The following GRIA3 variants were observed in gnomAD, a reference collection of about 807,000 sequenced individuals.
The protein encoded by GRIA3 is glutamate ionotropic receptor AMPA type subunit 3.
Under a neutral mutation model 63.0 loss-of-function variants are expected in GRIA3, and 3 were observed. The ratio of observed to expected loss-of-function variants is 0.05; its 90% CI spans 0.02 to 0.12. The LOEUF (loss-of-function observed/expected upper bound fraction) is 0.12. Among genes scored for constraint, GRIA3 ranks in the 10% least tolerant of loss-of-function variants. The probability of loss-of-function intolerance (pLI) is 1.00; values close to 1 mark genes in which losing one functional copy is unlikely to be tolerated. For synonymous variants in GRIA3, 274 were observed against 257.9 expected, an observed-to-expected ratio of 1.06 and a Z score of -0.60; for missense variants, 347 against 700.9, an observed-to-expected ratio of 0.50 and a Z score of 5.70.
At chrX:123,363,864 C>T (rs1177343865) in intron 5 of GRIA3, among the ~76,000 whole-genome samples, 2 of 112,184 alleles carry the variant, frequency 1.8e-5, no homozygotes, top group Non-Finnish European at 3.8e-5. Flanking sequence ...TACACAGAAG[C>T]AGTCAAGTGT....
chrX:123,263,567 T>C (rs2044471936), intron 3 of GRIA3, among the ~76,000 whole-genome samples: 1 of 112,094 alleles, frequency 8.9e-6, no homozygotes. Flanking sequence ...TCAACTTCAC[T>C]GCAGGCAGGC....
chrX:123,427,767 G>T (rs1025449050), intron 11 of GRIA3, among the ~76,000 whole-genome samples, 174 bp from the exon 12 acceptor site: 3 of 111,281 alleles, frequency 2.7e-5, no homozygotes, highest in Non-Finnish European at 5.7e-5. Flanking sequence ...ATGACATGGG[G>T]TATTGTTGTT....
chrX:123,458,462 T>C (rs992585535), intron 12 of GRIA3, among the ~76,000 whole-genome samples: 2 of 111,042 alleles, frequency 1.8e-5, no homozygotes, highest in Non-Finnish European at 3.8e-5. Context: ...TGTCCCACCA[T>C]GGAATAAGCT....
intron 12 of GRIA3, among the ~76,000 whole-genome samples, chrX:123,441,558 T>C (rs763975174): frequency 1.2e-4 from 13 of 111,595 alleles, no homozygotes; most frequent in Non-Finnish European, 1.9e-4. Flanking sequence ...TTCCTTTAAA[T>C]GAGCTTCGGG....
intron 3 of GRIA3, among the ~76,000 whole-genome samples, chrX:123,292,281 G>T (rs2044660743): frequency 9.0e-6 from 1 of 111,221 alleles, no homozygotes; most frequent in Non-Finnish European, 1.9e-5. Context: ...CTTTTTAATT[G>T]GATTTGTGCC....
rs1232651088 is a variant in GRIA3, at chrX:123,208,547, C to T, written c.268+22557C>T. Among the ~76,000 whole-genome samples the T allele has an allele frequency of 2.7e-5, 3 of 112,275 alleles. No homozygotes were observed. The Admixed American group carries it at 2.8e-4, about 11-fold the overall frequency. On this transcript the variant is annotated intron_variant, in intron 2 of 15. Transcript: ENST00000620443. ...TTTTGGGGTGTTTCCAAGGAGGCAA[C>T]TCAAACCATTGAAGTCAGAAAGTAG...
intron 3 of GRIA3, among the ~76,000 whole-genome samples, chrX:123,262,640 C>T (rs2044466473): frequency 8.9e-6 from 1 of 111,848 alleles, no homozygotes; most frequent in Admixed American, 9.5e-5. Context: ...TACATCTTGG[C>T]CAGAGAGACA....
In GRIA3 at chrX:123,224,738, T is replaced by A. The variant is rs1220231104; in HGVS notation, c.269-28565T>A. Among the ~76,000 whole-genome samples, 5 of 111,940 alleles carry A rather than the reference T, an allele frequency of 4.5e-5. No individual in the cohort carries two copies. In the Admixed American group the frequency reaches 4.8e-4, roughly 11 times the overall value. The stretch of plus-strand genomic sequence containing the variant: ...ACCTCAATCCCACCTATCTTACATA[T>A]TTAAATTATCTAAATTATTTAAAGC... On this transcript the variant is annotated intron_variant, in intron 2 of 15. Coordinates refer to ENST00000620443, the MANE Select transcript of GRIA3 (RefSeq NM_007325.5).
chrX:123,422,874 C>A (rs1659421259), intron 11 of GRIA3, among the ~76,000 whole-genome samples: 1 of 112,416 alleles, frequency 8.9e-6, no homozygotes, highest in South Asian at 3.7e-4. Flanking sequence ...TGAGAAATAA[C>A]CAGCAACACT....
intron 2 of GRIA3, among the ~76,000 whole-genome samples, chrX:123,229,640 T>C (rs775662111): frequency 1.8e-4 from 20 of 111,757 alleles, no homozygotes; most frequent in Non-Finnish European, 3.2e-4. Context: ...TTATATTTTC[T>C]CTTTCTTTTT....
intron 3 of GRIA3, among the ~76,000 whole-genome samples, chrX:123,316,441 A>G (rs1173151481): frequency 8.9e-6 from 1 of 112,513 alleles, no homozygotes; most frequent in Admixed American, 9.4e-5. Context: ...ATGGGAACAC[A>G]AAGTGGGACA....
chrX:123,475,811 C>G (rs1163103164), intron 13 of GRIA3, among the ~76,000 whole-genome samples: 1 of 111,525 alleles, frequency 9.0e-6, no homozygotes, highest in East Asian at 2.8e-4. Context: ...AAAGTCATCA[C>G]AAATATCTAA....
intron 5 of GRIA3, among the ~76,000 whole-genome samples, chrX:123,364,363 T>C (rs1294829283): frequency 9.0e-6 from 1 of 111,594 alleles, no homozygotes; most frequent in Non-Finnish European, 1.9e-5. Flanking sequence ...TATGTAATCA[T>C]TGGGAAGGGG....
Position 123,490,520 on chromosome X carries a change from A to G in GRIA3, c.*1810A>G, listed in dbSNP as rs2045963188. ...ATAAAACAAACCAACCAACCTACAC[A>G]CAAATGTTTTCATAGGCACTGTATA... On this transcript the variant is annotated 3_prime_UTR_variant, in exon 16 of 16. Transcript: ENST00000620443. 1 of 112,988 alleles carries G rather than the reference A, an allele frequency of 8.9e-6. No homozygotes were observed. The highest frequency in any genetic ancestry group is 9.4e-5 in the Admixed American group (1 of 10,672). The allele number at this position is 112,988 out of a possible 1,213,427, so 9.3% of individuals were successfully genotyped here. A position where few individuals can be genotyped will look rare whatever the true frequency, so the allele number is the denominator to read the frequency against.
intron 3 of GRIA3, among the ~76,000 whole-genome samples, chrX:123,278,817 G>T (rs756613266): frequency 4.1e-4 from 46 of 111,798 alleles, no homozygotes; most frequent in African/African-American, 1.3e-3. Flanking sequence ...ATGCTATTTT[G>T]GTTGTTATGG....
intron 13 of GRIA3, among the ~76,000 whole-genome samples, chrX:123,479,514 A>G (rs1603179312): frequency 1.8e-5 from 2 of 112,471 alleles, no homozygotes; most frequent in East Asian, 5.6e-4. Context: ...GCTGGGCAAC[A>G]GACTTGTGTG....
At chrX:123,481,234 G>C (rs1201469349) in intron 14 of GRIA3, among the ~76,000 whole-genome samples, 2 of 112,075 alleles carry the variant, frequency 1.8e-5, no homozygotes, top group East Asian at 2.8e-4. Context: ...TTTCCCAATG[G>C]ACTGTGGAAC....
chrX:123,214,259 G>A (rs1405984000), intron 2 of GRIA3, among the ~76,000 whole-genome samples: 4 of 111,746 alleles, frequency 3.6e-5, no homozygotes, highest in African/African-American at 1.3e-4. Context: ...CTTAACATAA[G>A]CTTTTAAGGT....
At chrX:123,467,870 C>G (rs1444941964) in intron 13 of GRIA3, among the ~76,000 whole-genome samples, 1 of 112,454 alleles carries the variant, frequency 8.9e-6, no homozygotes, top group Non-Finnish European at 1.9e-5. Context: ...AACCAGCAAT[C>G]AAGCTTTTTT....
Sources: gnomAD v4.1 joint callset for allele counts (sites outside exome capture counted in the v4.1 genomes callset) on GRCh38, gnomAD v4.1.1 for gene constraint, MANE v1.5 for transcripts, NCBI Gene and HGNC (gene_info 2026-07-23, HGNC 2026-07-21) for gene names.